The following SNX18 variants were observed in gnomAD, a reference collection of about 807,000 sequenced individuals.
SNX18 encodes the protein sorting nexin-18.
Under a neutral mutation model 48.7 loss-of-function variants are expected in SNX18, and 35 were observed. That is an observed-to-expected ratio of 0.72 (90% CI 0.55 to 0.95). The LOEUF (loss-of-function observed/expected upper bound fraction) is 0.95. SNX18 is among the 40% of genes least tolerant of loss of function. The pLI, the probability that SNX18 is intolerant of heterozygous loss-of-function variation, is 0.00. For missense variants in SNX18, 824 were observed against 871.0 expected (o/e 0.95, Z 0.68); for synonymous variants, 492 against 384.7 (o/e 1.28, Z -3.26).
the SNX18 span, among the ~76,000 whole-genome samples, chr5:54,635,897 G>A: frequency 1.3e-5 from 2 of 152,158 alleles, no homozygotes; most frequent in Admixed American, 6.5e-5. Flanking sequence ...CCACACTCAC[G>A]GGGAAACCTA....
the SNX18 span, among the ~76,000 whole-genome samples, chr5:54,592,196 C>G: frequency 6.6e-6 from 1 of 152,190 alleles, no homozygotes; most frequent in Non-Finnish European, 1.5e-5. Flanking sequence ...CACTTCCTTC[C>G]CACACATGGT....
At chr5:54,551,834 C>T in the SNX18 span, among the ~76,000 whole-genome samples, 652 of 152,246 alleles carry the variant, frequency 4.3e-3, 4 homozygotes, top group Middle Eastern at 0.041. Flanking sequence ...TGGAGCACAC[C>T]GGGCCCAGAG....
chr5:54,531,792 G>T (rs771489825), intron 1 of SNX18, among the ~76,000 whole-genome samples: 4 of 152,170 alleles, frequency 2.6e-5, no homozygotes, highest in African/African-American at 4.8e-5. Flanking sequence ...CCACAGCCTC[G>T]TGATCGTGAA....
At chr5:54,554,657 T>C in the SNX18 span, among the ~76,000 whole-genome samples, 1 of 152,242 alleles carries the variant, frequency 6.6e-6, no homozygotes, top group Non-Finnish European at 1.5e-5. Flanking sequence ...AATATTTCAT[T>C]GTATTTTGTG....
chr5:54,537,691 G>T (rs1348804572), intron 1 of SNX18, among the ~76,000 whole-genome samples: 1 of 151,990 alleles, frequency 6.6e-6, no homozygotes, highest in African/African-American at 2.4e-5. Context: ...TGGCAAGGGG[G>T]CATGTTCCTC....
At chr5:54,600,020 A>G in the SNX18 span, among the ~76,000 whole-genome samples, 2 of 152,238 alleles carry the variant, frequency 1.3e-5, no homozygotes, top group African/African-American at 2.4e-5. Flanking sequence ...TCTGCACAGT[A>G]AAAGAAACTC....
chr5:54,564,322 T>G, the SNX18 span, among the ~76,000 whole-genome samples: 1 of 152,284 alleles, frequency 6.6e-6, no homozygotes, highest in East Asian at 1.9e-4. Flanking sequence ...GGTTTATTGA[T>G]TCCATAATAT....
the SNX18 span, among the ~76,000 whole-genome samples, chr5:54,584,224 A>G: frequency 6.6e-6 from 1 of 151,484 alleles, no homozygotes; most frequent in Non-Finnish European, 1.5e-5. Context: ...TTAATTTTTT[A>G]TATTTTAGTA....
downstream of SNX18, among the ~76,000 whole-genome samples, chr5:54,547,242 A>C (rs1055750217): frequency 1.3e-5 from 2 of 152,236 alleles, no homozygotes; most frequent in Non-Finnish European, 2.9e-5. Context: ...TACACTTAAA[A>C]GTATGCAAGA....
chr5:54,635,281 T>G, the SNX18 span, among the ~76,000 whole-genome samples: 38 of 151,690 alleles, frequency 2.5e-4, no homozygotes, highest in Non-Finnish European at 1.0e-4. Context: ...ATATATCGTT[T>G]TCCTTTCTTA....
At chr5:54,585,311 A>C in the SNX18 span, among the ~76,000 whole-genome samples, 1 of 151,956 alleles carries the variant, frequency 6.6e-6, no homozygotes, top group African/African-American at 2.4e-5. Flanking sequence ...AAAAAAAAAA[A>C]AACAGAGTAA....
intron 1 of SNX18, among the ~76,000 whole-genome samples, chr5:54,526,780 T>G (rs1424832839): frequency 2.0e-5 from 3 of 152,024 alleles, no homozygotes; most frequent in Non-Finnish European, 4.4e-5. Context: ...GAGGTAAGTT[T>G]TGATGTATGT....
rs1440336131 is a variant in SNX18, at chr5:54,518,264, C to T, written c.312C>T (p.Phe104=). The T allele has an allele frequency of 1.4e-6, 2 of 1,475,182 alleles. No individual in the cohort carries two copies. Among genetic ancestry groups the T allele is most frequent in the African/African-American group, 1.5e-5 (1 of 67,672 alleles). The allele number at this position is 1,475,182 out of a possible 1,614,324, so 91.4% of individuals were successfully genotyped here. A position where few individuals can be genotyped will look rare whatever the true frequency, so the allele number is the denominator to read the frequency against. ...PASFKPPPDA[F]QALLQPQQAP... The stretch of plus-strand genomic sequence containing the variant: ...CCTTCAAGCCGCCGCCTGACGCCTT[C>T]CAGGCGCTGCTGCAGCCACAGCAGG... Residue 104 remains phenylalanine (F), a synonymous_variant, in exon 1 of 2, where the codon TTC becomes TTT. Coordinates refer to ENST00000381410, the MANE Select transcript of SNX18 (RefSeq NM_001102575.2).
At chr5:54,583,906 T>C in the SNX18 span, among the ~76,000 whole-genome samples, 1,639 of 152,294 alleles carry the variant, frequency 0.011, 32 homozygotes, top group South Asian at 0.071. Context: ...TCTGCTGTAA[T>C]GACATTGCTG....
At chr5:54,540,655 G>A (rs1240128844) in intron 1 of SNX18, among the ~76,000 whole-genome samples, 2 of 152,206 alleles carry the variant, frequency 1.3e-5, no homozygotes, top group African/African-American at 4.8e-5. Context: ...CCCAATTCAA[G>A]GCCAGGTTTC....
At chr5:54,575,844 C>T in the SNX18 span, among the ~76,000 whole-genome samples, 2 of 152,166 alleles carry the variant, frequency 1.3e-5, no homozygotes, top group East Asian at 3.9e-4. Context: ...CCTTCACCCC[C>T]ATGTAACCCC....
At position 54,543,392 on chromosome 5, in the gene SNX18, A is replaced by G; in HGVS notation, c.1835A>G (p.Gln612Arg). 6.2e-7 allele frequency: 1 copy of G among 1,614,204 alleles called. No homozygotes were observed. Among genetic ancestry groups the G allele is most frequent in the Non-Finnish European group, 8.5e-7 (1 of 1,180,026 alleles). ...ATAATATTTTTCCAAAAAGTTACCCAGAAGTTGGAAGAAGCTCTTCACAAA... is the reference window on the plus strand; with the variant it reads ...ATAATATTTTTCCAAAAAGTTACCCGGAAGTTGGAAGAAGCTCTTCACAAA... The part of the protein sequence containing the change: ...QQIIFFQKVT[Q>R]KLEEALHKYD... The change falls in exon 2 of 2, where the codon CAG (glutamine) becomes CGG (arginine). Residue 612 changes from glutamine to arginine, a missense_variant. By Grantham distance (43) the Gln-to-Arg change is conservative. Coordinates refer to ENST00000381410, the MANE Select transcript of SNX18 (RefSeq NM_001102575.2).
the SNX18 span, among the ~76,000 whole-genome samples, chr5:54,638,362 T>C: frequency 2.6e-5 from 4 of 152,344 alleles, no homozygotes; most frequent in Non-Finnish European, 4.4e-5. Flanking sequence ...ATGCTATGTT[T>C]TTCTGACACC....
chr5:54,647,588 C>CA, the SNX18 span, among the ~76,000 whole-genome samples: 897 of 152,216 alleles, frequency 5.9e-3, 6 homozygotes, highest in Admixed American at 0.013. Context: ...GGGAGGTAGG[C>CA]AGAGGCATGA....
Sources: gnomAD v4.1 joint callset for allele counts (sites outside exome capture counted in the v4.1 genomes callset) on GRCh38, gnomAD v4.1.1 for gene constraint, MANE v1.5 for transcripts, NCBI Gene and HGNC (gene_info 2026-07-23, HGNC 2026-07-21) for gene names.